Variants in PAK3 observed in about 807,000 individuals in gnomAD.
PAK3 encodes serine/threonine-protein kinase PAK 3.
PAK3 carries 4 observed loss-of-function variants against 41.0 expected under a neutral mutation model. That is an observed-to-expected ratio of 0.10 (90% CI 0.05 to 0.22). The LOEUF (loss-of-function observed/expected upper bound fraction) is 0.22, where lower values mean the gene tolerates loss of function less well. Among genes scored for constraint, PAK3 ranks in the 10% least tolerant of loss-of-function variants. The probability of loss-of-function intolerance (pLI) is 1.00; values close to 1 mark genes in which losing one functional copy is unlikely to be tolerated. For synonymous variants in PAK3, 146 were observed against 139.6 expected, an observed-to-expected ratio of 1.05 and a Z score of -0.32; for missense variants, 205 against 409.9, an observed-to-expected ratio of 0.50 and a Z score of 4.32.
chrX:111,078,148 T>C (rs1474836865), intron 1 of PAK3, among the ~76,000 whole-genome samples: 2 of 111,512 alleles, frequency 1.8e-5, no homozygotes, highest in Non-Finnish European at 3.8e-5. Flanking sequence ...TTATCAAAAA[T>C]ATGGAAGATA....
intron 1 of PAK3, among the ~76,000 whole-genome samples, chrX:110,980,317 T>C (rs1324246825): frequency 2.7e-5 from 3 of 111,499 alleles, no homozygotes; most frequent in African/African-American, 9.8e-5. Flanking sequence ...GAAGCAAGGG[T>C]CATTTGGGTG....
chrX:111,217,184 G>T (rs2094888594), intron 17 of PAK3: 1 of 295,534 alleles, frequency 3.4e-6, no homozygotes, highest in Non-Finnish European at 4.5e-6. Flanking sequence ...CCATTTTATA[G>T]ATGTAAAAGT....
At chrX:110,975,751 C>T (rs1423733789) in intron 1 of PAK3, among the ~76,000 whole-genome samples, 2 of 111,242 alleles carry the variant, frequency 1.8e-5, no homozygotes, top group African/African-American at 6.6e-5. Flanking sequence ...GGTACGGGTA[C>T]CAAAACAGAG....
chrX:110,964,720 C>T (rs985446956), intron 1 of PAK3, among the ~76,000 whole-genome samples: 1 of 112,211 alleles, frequency 8.9e-6, no homozygotes, highest in Non-Finnish European at 1.9e-5. Flanking sequence ...CTTTCCCTCA[C>T]AAATGAAAAA....
At chrX:110,972,459 C>A (rs1442519989) in intron 1 of PAK3, among the ~76,000 whole-genome samples, 1 of 111,769 alleles carries the variant, frequency 8.9e-6, no homozygotes, top group African/African-American at 3.3e-5. Flanking sequence ...AACAGATCTG[C>A]AACTGAGGGA....
intron 4 of PAK3, among the ~76,000 whole-genome samples, chrX:111,113,029 C>T (rs189756565): frequency 9.0e-6 from 1 of 111,339 alleles, no homozygotes. Flanking sequence ...CAGAAACAGG[C>T]CCAAGGCTAA....
At chrX:110,970,017 A>T (rs2091172936) in intron 1 of PAK3, among the ~76,000 whole-genome samples, 2 of 112,250 alleles carry the variant, frequency 1.8e-5, no homozygotes, top group African/African-American at 6.5e-5. Flanking sequence ...ACATTTCAAC[A>T]TACAAGTCCT....
chrX:111,192,127 G>T lies in PAK3; in HGVS notation c.831G>T (p.Gly277=). The T allele has an allele frequency of 2.8e-6, 3 of 1,077,623 alleles. No homozygotes were observed. Among genetic ancestry groups the T allele is most frequent in the Non-Finnish European group, 3.9e-6 (3 of 774,820 alleles). 88.8% of individuals were successfully genotyped at this position (1,077,623 alleles called of 1,213,427 possible). A position where few individuals can be genotyped will look rare whatever the true frequency, so the allele number is the denominator to read the frequency against. The change falls in exon 12 of 18, where the codon GGG becomes GGT. Residue 277 remains glycine (G), a splice_region_variant and synonymous_variant. Coordinates refer to ENST00000372007, the MANE Select transcript of PAK3 (RefSeq NM_002578.5). ...CTTTTGATAATTTTCACCTTCACAG[G>T]GCATCAGGTACTGTTTATACAGCAC... ...KYTRFEKIGQ[G]ASGTVYTALD...
At chrX:111,085,408 G>GATTGC (rs1333275511) in intron 1 of PAK3, among the ~76,000 whole-genome samples, 1 of 112,008 alleles carries the variant, frequency 8.9e-6, no homozygotes, top group Admixed American at 9.5e-5. Flanking sequence ...AATATGGTCA[G>GATTGC]ATTGCAATTA....
chrX:111,107,108 G>T (rs1322456988), intron 4 of PAK3, among the ~76,000 whole-genome samples: 1 of 111,674 alleles, frequency 9.0e-6, no homozygotes, highest in African/African-American at 3.3e-5. Context: ...TTCTTTATGT[G>T]CTGTTAATGG....
chrX:111,007,431 G>A (rs767921414), intron 1 of PAK3, among the ~76,000 whole-genome samples: 1 of 111,963 alleles, frequency 8.9e-6, no homozygotes, highest in African/African-American at 3.2e-5. Flanking sequence ...CTTTCCAGTG[G>A]GTGGCAGTGG....
chrX:111,116,685 A>G (rs936559604), intron 4 of PAK3, among the ~76,000 whole-genome samples: 3 of 111,996 alleles, frequency 2.7e-5, no homozygotes, highest in African/African-American at 6.5e-5. Flanking sequence ...CCTGCTGAAA[A>G]CAATGGAAGT....
chrX:111,115,597 C>T (rs756047440), intron 4 of PAK3, among the ~76,000 whole-genome samples: 1 of 111,502 alleles, frequency 9.0e-6, no homozygotes, highest in South Asian at 3.8e-4. Flanking sequence ...TGTTTAAATG[C>T]ATGCTCAGTA....
chrX:110,976,095 C>G, intron 1 of PAK3, among the ~76,000 whole-genome samples: 1 of 111,983 alleles, frequency 8.9e-6, no homozygotes, highest in Non-Finnish European at 1.9e-5. Flanking sequence ...GCAACAAAAG[C>G]CAAAACAGAC....
intron 10 of PAK3, among the ~76,000 whole-genome samples, chrX:111,170,481 G>A (rs1350462875): frequency 9.0e-6 from 1 of 111,079 alleles, no homozygotes; most frequent in African/African-American, 3.3e-5. Context: ...CTAGCCCAGA[G>A]AATAGACTGT....
rs1304656328 is a variant in PAK3, at chrX:111,126,868, G to A, written c.175+3590G>A. Among the ~76,000 whole-genome samples, 3 of 111,030 alleles carry A rather than the reference G, an allele frequency of 2.7e-5. No individual in the cohort carries two copies. In the East Asian group the frequency reaches 8.5e-4, roughly 31 times the overall value. On this transcript the variant is annotated intron_variant, in intron 5 of 17. Transcript: ENST00000372007. ...AAATTTTAAAAAGAAAATTAAATGTGCCTATAATTTTATAAGCCGGAGGTA... is the reference window on the plus strand; with the variant it reads ...AAATTTTAAAAAGAAAATTAAATGTACCTATAATTTTATAAGCCGGAGGTA...
chrX:111,100,719 G>A (rs2093114748), intron 3 of PAK3, among the ~76,000 whole-genome samples: 1 of 111,826 alleles, frequency 8.9e-6, no homozygotes, highest in Non-Finnish European at 1.9e-5. Context: ...GTTGTCCATA[G>A]CTTCCACCTA....
At chrX:111,006,922 G>A (rs1319128929) in intron 1 of PAK3, among the ~76,000 whole-genome samples, 3 of 96,343 alleles carry the variant, frequency 3.1e-5, no homozygotes, top group East Asian at 3.3e-4. Context: ...ATGGCTCACC[G>A]AAGCGTCAAC....
At chrX:111,005,117 C>T (rs912061593) in intron 1 of PAK3, among the ~76,000 whole-genome samples, 3 of 111,893 alleles carry the variant, frequency 2.7e-5, no homozygotes, top group African/African-American at 9.8e-5. Flanking sequence ...TTCTGCCTTC[C>T]CTTCTCTTCT....
Sources: gnomAD v4.1 joint callset for allele counts (sites outside exome capture counted in the v4.1 genomes callset) on GRCh38, gnomAD v4.1.1 for gene constraint, MANE v1.5 for transcripts, NCBI Gene and HGNC (gene_info 2026-07-23, HGNC 2026-07-21) for gene names.